PDE1A: variants seen among roughly 807,000 people sequenced by gnomAD.
PDE1A encodes the protein phosphodiesterase 1A.
A neutral mutation model predicts 61.7 loss-of-function variants in PDE1A; 35 were observed. The observed-to-expected ratio is 0.57, with a 90% CI of 0.43 to 0.75. The LOEUF is 0.75. Ranked by LOEUF, PDE1A falls within the 30% of genes least tolerant of loss-of-function variation. The pLI is 0.00. For missense variants in PDE1A, 597 were observed against 630.6 expected, an observed-to-expected ratio of 0.95 and a Z score of 0.57; for synonymous variants, 232 against 213.2, an observed-to-expected ratio of 1.09 and a Z score of -0.77.
chr2:182,521,690 A>G (rs1160095763), intron 2 of PDE1A, among the ~76,000 whole-genome samples: 1 of 152,146 alleles, frequency 6.6e-6, no homozygotes, highest in Non-Finnish European at 1.5e-5. Context: ...ACTATGGACT[A>G]TTCTGTACTC....
At chr2:182,513,983 T>C (rs4666850) in intron 2 of PDE1A, among the ~76,000 whole-genome samples, 117,342 of 152,084 alleles carry the variant, frequency 0.77, 47,264 homozygotes, top group East Asian at 1. Context: ...TAGATAACCA[T>C]ACAATAATAG....
At chr2:182,636,929 C>T in the PDE1A span, among the ~76,000 whole-genome samples, 1 of 152,210 alleles carries the variant, frequency 6.6e-6, no homozygotes. Context: ...TCTTCTCATG[C>T]TTTTCATGAG....
intron 1 of PDE1A, among the ~76,000 whole-genome samples, chr2:182,350,070 C>T (rs1698776708): frequency 6.6e-6 from 1 of 152,096 alleles, no homozygotes; most frequent in Non-Finnish European, 1.5e-5. Context: ...TATCCTGCCC[C>T]CACCGAGTGT....
intron 1 of PDE1A, among the ~76,000 whole-genome samples, chr2:182,282,261 C>A (rs1194781144): frequency 6.6e-6 from 1 of 151,924 alleles, no homozygotes; most frequent in African/African-American, 2.4e-5. Context: ...TCTTGGCTAC[C>A]TTTCTGCTCC....
intron 2 of PDE1A, among the ~76,000 whole-genome samples, chr2:182,459,013 C>T (rs1324025607): frequency 6.6e-6 from 1 of 152,072 alleles, no homozygotes; most frequent in Non-Finnish European, 1.5e-5. Flanking sequence ...AAGCACTTCA[C>T]ATTAACATAA....
the PDE1A span, among the ~76,000 whole-genome samples, chr2:182,659,248 A>G: frequency 6.6e-6 from 1 of 152,192 alleles, no homozygotes; most frequent in Admixed American, 6.5e-5. Context: ...GTCTCTAGAC[A>G]ATGAAATGTT....
intron 2 of PDE1A, among the ~76,000 whole-genome samples, chr2:182,497,977 C>T (rs1688818593): frequency 7.1e-6 from 1 of 141,046 alleles, no homozygotes; most frequent in African/African-American, 2.7e-5. Context: ...ACCCAGGAGG[C>T]AGAGCTTGCA....
chr2:182,654,479 A>G, the PDE1A span, among the ~76,000 whole-genome samples: 1 of 152,168 alleles, frequency 6.6e-6, no homozygotes, highest in Non-Finnish European at 1.5e-5. Flanking sequence ...TCCATTTAGC[A>G]TCTGCTCTTC....
chr2:182,370,708 T>C (rs1318944900), intron 1 of PDE1A, among the ~76,000 whole-genome samples: 2 of 152,080 alleles, frequency 1.3e-5, no homozygotes, highest in Non-Finnish European at 2.9e-5. Context: ...AGGAAGAGAT[T>C]ATGATGAGCT....
At chr2:182,153,854 G>A (rs1386400964) in intron 13 of PDE1A, among the ~76,000 whole-genome samples, 1 of 152,130 alleles carries the variant, frequency 6.6e-6, no homozygotes, top group Non-Finnish European at 1.5e-5. Flanking sequence ...AGATACTGAA[G>A]GGTAGGAGGT....
the PDE1A span, among the ~76,000 whole-genome samples, chr2:182,681,854 G>T: frequency 6.6e-6 from 1 of 151,698 alleles, no homozygotes; most frequent in Non-Finnish European, 1.5e-5. Flanking sequence ...CACCGTGTTA[G>T]CCAGGATGGT....
the PDE1A span, among the ~76,000 whole-genome samples, chr2:182,579,669 G>A: frequency 6.6e-6 from 1 of 152,012 alleles, no homozygotes; most frequent in Admixed American, 6.6e-5. Flanking sequence ...TTGAAAGACG[G>A]GGATAACTGT....
the PDE1A span, among the ~76,000 whole-genome samples, chr2:182,612,545 A>T: frequency 5.1e-4 from 77 of 152,324 alleles, no homozygotes; most frequent in African/African-American, 1.7e-3. Flanking sequence ...AGGAAAAAAA[A>T]TGACAACAAA....
At chr2:182,241,700 C>T (rs2623435) in intron 2 of PDE1A, 2 of 632,260 alleles carry the variant, frequency 3.2e-6, no homozygotes, top group Non-Finnish European at 4.9e-6. Context: ...TATGAAATAC[C>T]TTATAAAAAA....
chr2:182,232,820 A>G (rs998710963), intron 4 of PDE1A, among the ~76,000 whole-genome samples: 1 of 152,158 alleles, frequency 6.6e-6, no homozygotes, highest in African/African-American at 2.4e-5. Flanking sequence ...TACAGTTCCA[A>G]CTTGGGGGTT....
At chr2:182,225,264 T>C (rs1262991803) in intron 6 of PDE1A, among the ~76,000 whole-genome samples, 1 of 151,916 alleles carries the variant, frequency 6.6e-6, no homozygotes, top group Non-Finnish European at 1.5e-5. Context: ...TCAAGTGAAG[T>C]GTAACTGAAG....
intron 1 of PDE1A, among the ~76,000 whole-genome samples, chr2:182,425,763 G>T (rs1415938421): frequency 1.3e-5 from 2 of 152,010 alleles, no homozygotes. Context: ...TAGTATCTCT[G>T]CTTTATCTAG....
intron 7 of PDE1A, among the ~76,000 whole-genome samples, chr2:182,214,544 G>A (rs993789256): frequency 1.3e-5 from 2 of 151,716 alleles, no homozygotes; most frequent in African/African-American, 2.4e-5. Context: ...GACACACATA[G>A]GCTCAAAATA....
At chr2:182,644,470 G>T in the PDE1A span, among the ~76,000 whole-genome samples, 1 of 151,918 alleles carries the variant, frequency 6.6e-6, no homozygotes, top group East Asian at 1.9e-4. Context: ...ACAGTAAAAG[G>T]ATCCTAGCAA....
Sources: allele counts gnomAD v4.1 joint callset (sites outside exome capture counted in the v4.1 genomes callset), GRCh38; gene constraint gnomAD v4.1.1; transcripts MANE v1.5; gene names NCBI Gene and HGNC (gene_info 2026-07-23, HGNC 2026-07-21).